The following ERC2 variants were observed in gnomAD, a reference collection of about 807,000 sequenced individuals.
The protein encoded by ERC2 is ERC protein 2.
Under a neutral mutation model 114.8 loss-of-function variants are expected in ERC2, and 42 were observed. The observed-to-expected ratio is 0.37, with a 90% confidence interval of 0.29 to 0.47. ERC2 has a LOEUF of 0.47. Among genes scored for constraint, ERC2 ranks in the 20% least tolerant of loss-of-function variants. The probability of loss-of-function intolerance (pLI) is 0.99; values close to 1 mark genes in which losing one functional copy is unlikely to be tolerated. For missense variants in ERC2, 939 were observed against 1,150.7 expected, an observed-to-expected ratio of 0.82 and a Z score of 2.66; for synonymous variants, 454 against 425.5, an observed-to-expected ratio of 1.07 and a Z score of -0.82.
chr3:56,422,731 G>A (rs2061432156), intron 2 of ERC2, among the ~76,000 whole-genome samples: 1 of 152,138 alleles, frequency 6.6e-6, no homozygotes, highest in Non-Finnish European at 1.5e-5. Context: ...CAATTTTAGA[G>A]CTAAGCATAC....
At chr3:55,890,670 G>A (rs1168568818) in intron 13 of ERC2, among the ~76,000 whole-genome samples, 1 of 152,166 alleles carries the variant, frequency 6.6e-6, no homozygotes, top group Admixed American at 6.5e-5. Context: ...TGGGCACCTG[G>A]GAGACACAAT....
At chr3:56,269,924 C>T (rs566643638) in intron 3 of ERC2, among the ~76,000 whole-genome samples, 1 of 152,190 alleles carries the variant, frequency 6.6e-6, no homozygotes, top group African/African-American at 2.4e-5. Flanking sequence ...TCCTTTTTCC[C>T]ACCCCATCAG....
At chr3:55,804,440 G>A (rs1157770284) in intron 14 of ERC2, among the ~76,000 whole-genome samples, 8 of 152,312 alleles carry the variant, frequency 5.3e-5, no homozygotes. Flanking sequence ...TGGCCAATGA[G>A]TGTTAGCCTA....
chr3:56,206,500 T>C (rs1265982595), intron 3 of ERC2, among the ~76,000 whole-genome samples: 1 of 152,214 alleles, frequency 6.6e-6, no homozygotes, highest in Admixed American at 6.5e-5. Context: ...ATAGCAATTG[T>C]ACTTTCAGGA....
rs140720872 is a variant in ERC2, at chr3:55,884,731, T to C, written c.2564+3658A>G. 6.3e-3 allele frequency among the ~76,000 whole-genome samples: 960 copies of C among 152,302 alleles called. 11 individuals carry two copies. Among genetic ancestry groups the C allele is most frequent in the African/African-American group, 0.022 (900 of 41,570 alleles). ...ATCCTGTGAATGGGAGACAGGCTTCTGCAGGCTGAGAGGTTGGACCCAGTT... is the reference window on the plus strand; with the variant it reads ...ATCCTGTGAATGGGAGACAGGCTTCCGCAGGCTGAGAGGTTGGACCCAGTT... On this transcript the variant is annotated intron_variant, in intron 14 of 17. Transcript: ENST00000288221.
intron 2 of ERC2, among the ~76,000 whole-genome samples, chr3:56,376,375 T>C (rs1187979109): frequency 6.6e-6 from 1 of 151,962 alleles, no homozygotes; most frequent in Non-Finnish European, 1.5e-5. Flanking sequence ...AACATTGAGA[T>C]TGATGTTGCA....
At chr3:56,213,463 G>C (rs941008256) in intron 3 of ERC2, among the ~76,000 whole-genome samples, 1 of 152,186 alleles carries the variant, frequency 6.6e-6, no homozygotes, top group Non-Finnish European at 1.5e-5. Flanking sequence ...CAGAGAGGCT[G>C]GGGGAGGGGC....
At position 56,288,028 on chromosome 3, in the gene ERC2, C is replaced by T. The variant is rs573950860; in HGVS notation, c.1074+7991G>A. Reference sequence around the variant, plus strand: ...AAAGTATCTGAGGAAATAGTTAAAACGGAATGTGTTTTATAATGGAATGTG... The same window carrying T: ...AAAGTATCTGAGGAAATAGTTAAAATGGAATGTGTTTTATAATGGAATGTG... On this transcript the variant is annotated intron_variant, in intron 3 of 17. Coordinates refer to ENST00000288221, the MANE Select transcript of ERC2 (RefSeq NM_015576.3). 3.1e-4 allele frequency among the ~76,000 whole-genome samples: 47 copies of T among 152,202 alleles called. 1 individual carries two copies. The South Asian group carries it at 7.3e-3, about 24-fold the overall frequency.
intron 17 of ERC2, among the ~76,000 whole-genome samples, chr3:55,609,272 G>T (rs2058779476): frequency 6.6e-6 from 1 of 152,144 alleles, no homozygotes; most frequent in African/African-American, 2.4e-5. Flanking sequence ...ACGGCACAAG[G>T]TTCCACTGCA....
At chr3:56,116,121 T>A (rs889780139) in intron 6 of ERC2, among the ~76,000 whole-genome samples, 8 of 152,198 alleles carry the variant, frequency 5.3e-5, no homozygotes, top group Admixed American at 2.6e-4. Context: ...GGTGTGCCCC[T>A]TCCTCTTGGA....
At chr3:56,290,859 C>T (rs1017890504) in intron 3 of ERC2, among the ~76,000 whole-genome samples, 1 of 152,142 alleles carries the variant, frequency 6.6e-6, no homozygotes, top group African/African-American at 2.4e-5. Context: ...CAGAGGGAGG[C>T]CCAGGTCTCC....
chr3:55,626,657 C>T (rs907032344), intron 17 of ERC2, among the ~76,000 whole-genome samples: 3 of 152,190 alleles, frequency 2.0e-5, no homozygotes, highest in Non-Finnish European at 4.4e-5. Context: ...GAAAAGTAAC[C>T]TCTAACCAGA....
At chr3:55,743,580 G>A (rs111228341) in intron 14 of ERC2, among the ~76,000 whole-genome samples, 28 of 113,438 alleles carry the variant, frequency 2.5e-4, no homozygotes, top group Non-Finnish European at 4.4e-4. Flanking sequence ...TCATTACTAT[G>A]TGCCTGATCC....
At chr3:55,711,894 C>A (rs1389133304) in intron 15 of ERC2, among the ~76,000 whole-genome samples, 1 of 152,196 alleles carries the variant, frequency 6.6e-6, no homozygotes, top group Non-Finnish European at 1.5e-5. Context: ...AGAATATACA[C>A]ATTTTAAACT....
chr3:55,831,107 G>C (rs1192424959), intron 14 of ERC2, among the ~76,000 whole-genome samples: 1 of 145,374 alleles, frequency 6.9e-6, no homozygotes, highest in African/African-American at 2.6e-5. Flanking sequence ...AGGAGTTCAA[G>C]ACCAGCCTAG....
At chr3:55,931,445 C>A (rs537205226) in intron 13 of ERC2, among the ~76,000 whole-genome samples, 49 of 152,264 alleles carry the variant, frequency 3.2e-4, no homozygotes, top group Non-Finnish European at 5.3e-4. Flanking sequence ...AGTTCATGTC[C>A]TTTTCAGGGA....
intron 1 of ERC2, among the ~76,000 whole-genome samples, chr3:56,444,107 G>A (rs1043109763): frequency 3.3e-5 from 5 of 150,048 alleles, no homozygotes; most frequent in African/African-American, 9.8e-5. Context: ...GGACCAAGGC[G>A]CCCACCACCA....
At chr3:55,596,910 C>T (rs1239009386) in intron 17 of ERC2, among the ~76,000 whole-genome samples, 1 of 151,992 alleles carries the variant, frequency 6.6e-6, no homozygotes, top group Admixed American at 6.6e-5. Context: ...TGAGCAGTTA[C>T]CAGCTAAAAC....
chr3:56,338,698 A>C (rs17825409), intron 2 of ERC2, among the ~76,000 whole-genome samples: 47,506 of 152,062 alleles, frequency 0.31, 7,566 homozygotes, highest in Admixed American at 0.34. Flanking sequence ...CAACATATAC[A>C]AAGTGCCAGG....
Sources: gnomAD v4.1 joint callset for allele counts (sites outside exome capture counted in the v4.1 genomes callset) on GRCh38, gnomAD v4.1.1 for gene constraint, MANE v1.5 for transcripts, NCBI Gene and HGNC (gene_info 2026-07-23, HGNC 2026-07-21) for gene names.